Variants in SPTBN1 observed in about 807,000 individuals in gnomAD.
SPTBN1 encodes the protein spectrin beta chain, non-erythrocytic 1.
A neutral mutation model predicts 266.4 loss-of-function variants in SPTBN1; 32 were observed. The observed-to-expected ratio is 0.12, with a 90% confidence interval of 0.09 to 0.16. SPTBN1 has a LOEUF of 0.16. Among genes scored for constraint, SPTBN1 ranks in the 10% least tolerant of loss-of-function variants. The probability of loss-of-function intolerance (pLI) is 1.00; values close to 1 mark genes in which losing one functional copy is unlikely to be tolerated. For synonymous variants in SPTBN1, 1,336 were observed against 1,162.2 expected, an observed-to-expected ratio of 1.15 and a Z score of -3.04; for missense variants, 2,296 against 3,067.1, an observed-to-expected ratio of 0.75 and a Z score of 5.94.
chr2:54,522,711 G>GAAAGGAAA (rs1401503525), intron 1 of SPTBN1, among the ~76,000 whole-genome samples: 2 of 93,072 alleles, frequency 2.1e-5, no homozygotes, highest in African/African-American at 4.4e-5. Context: ...AAGAAAGAAA[G>GAAAGGAAA]GAAAGAAAGA....
intron 2 of SPTBN1, among the ~76,000 whole-genome samples, chr2:54,571,552 CACACACACACACACACACACACAT>C (rs1188910094): frequency 5.5e-5 from 3 of 54,980 alleles, no homozygotes; most frequent in South Asian, 5.4e-4. Context: ...TATGTACACA[CACACACACACACACACACACACAT>C]ACACACACAC....
chr2:54,570,877 G>C (rs1172176451), intron 2 of SPTBN1, among the ~76,000 whole-genome samples: 1 of 152,122 alleles, frequency 6.6e-6, no homozygotes, highest in African/African-American at 2.4e-5. Flanking sequence ...TTAAATCCCA[G>C]TGAGTTCCTA....
chr2:54,603,328 G>T (rs1558418020), intron 3 of SPTBN1, among the ~76,000 whole-genome samples: 1 of 151,896 alleles, frequency 6.6e-6, no homozygotes, highest in Non-Finnish European at 1.5e-5. Flanking sequence ...AACTGGAGGG[G>T]TTTTTTTTGA....
chr2:54,508,975 G>C (rs1305129648), intron 1 of SPTBN1, among the ~76,000 whole-genome samples: 1 of 152,228 alleles, frequency 6.6e-6, no homozygotes, highest in Non-Finnish European at 1.5e-5. Flanking sequence ...GGCATATTTA[G>C]AGTCAGTATA....
chr2:54,668,708 A>G lies in SPTBN1; in HGVS notation c.*139A>G. 1.9e-6 allele frequency: 1 copy of G among 537,666 alleles called. No homozygotes were observed. The highest frequency in any genetic ancestry group is 2.9e-6 in the Non-Finnish European group (1 of 345,318). 33.3% of individuals were successfully genotyped at this position (537,666 alleles called of 1,614,324 possible). A position where few individuals can be genotyped will look rare whatever the true frequency, so the allele number is the denominator to read the frequency against. On this transcript the variant is annotated 3_prime_UTR_variant, in exon 36 of 36. Transcript: ENST00000356805. ...TTTTTTTTTTTTTAATTTATAGAGCATTTCGGGGGGGGTGGGGGAAACACA... is the reference window on the plus strand; with the variant it reads ...TTTTTTTTTTTTTAATTTATAGAGCGTTTCGGGGGGGGTGGGGGAAACACA...
chr2:54,554,614 G>A lies in SPTBN1; in HGVS notation c.148+28048G>A, dbSNP rs555145006. On this transcript the variant is annotated intron_variant, in intron 2 of 35. Coordinates refer to ENST00000356805, the MANE Select transcript of SPTBN1 (RefSeq NM_003128.3). This position sits in a 1 kb window ranked among gnomAD's most constrained non-coding sequence, Gnocchi z 4.5. ...ATTCCAAACTGTTTGGTTTATAGAC[G>A]AAGATTGAGAGGCCCAGAGAACATC... 1.1e-4 allele frequency among the ~76,000 whole-genome samples: 17 copies of A among 152,204 alleles called. No individual in the cohort carries two copies. The highest frequency in any genetic ancestry group is 2.1e-4 in the South Asian group (1 of 4,814).
At chr2:54,647,035 C>G (rs1045842965) in intron 23 of SPTBN1, 96 bp from the exon 24 acceptor site, 31 of 1,576,154 alleles carry the variant, frequency 2.0e-5, no homozygotes, top group Middle Eastern at 1.7e-4. Flanking sequence ...TTCTACTGAT[C>G]CTTCCTCCTA....
intron 2 of SPTBN1, among the ~76,000 whole-genome samples, chr2:54,575,901 C>T (rs1674427636): frequency 6.6e-6 from 1 of 152,134 alleles, no homozygotes; most frequent in Admixed American, 6.5e-5. Flanking sequence ...TCTCCTGAGA[C>T]AGGAATTAAC....
intron 2 of SPTBN1, among the ~76,000 whole-genome samples, chr2:54,561,610 G>T (rs1401293549): frequency 6.7e-6 from 1 of 150,074 alleles, no homozygotes; most frequent in Non-Finnish European, 1.5e-5. Flanking sequence ...TCTGGCTAAG[G>T]AGAATATAAT....
At chr2:54,562,533 C>CTTTTTTTCTTTCTTT (rs746897447) in intron 2 of SPTBN1, among the ~76,000 whole-genome samples, 1 of 126,828 alleles carries the variant, frequency 7.9e-6, no homozygotes, top group Non-Finnish European at 1.6e-5. Flanking sequence ...TTTTCTTTTT[C>CTTTTTTTCTTTCTTT]TTTTTTTTTT....
chr2:54,577,564 T>G (rs1340541089), intron 2 of SPTBN1, among the ~76,000 whole-genome samples: 4 of 152,214 alleles, frequency 2.6e-5, no homozygotes, highest in Non-Finnish European at 5.9e-5. Context: ...CCACCAAAAC[T>G]TCTTGATACT....
Position 54,558,035 on chromosome 2 carries a change from C to G in SPTBN1, c.148+31469C>G. ...CGGGACCCTTGGGGCTCTTCACTCT[C>G]CAGGCCGTCCCGTGGGCGCGCTAGC... On this transcript the variant is annotated intron_variant, in intron 2 of 35. Transcript: ENST00000356805. This position sits in a 1 kb window ranked among gnomAD's most constrained non-coding sequence, Gnocchi z 4.6. 1 of 985,450 alleles carries G rather than the reference C, an allele frequency of 1.0e-6. No individual in the cohort carries two copies. The highest frequency in any genetic ancestry group is 1.2e-6 in the Non-Finnish European group (1 of 829,932). 61.0% of individuals were successfully genotyped at this position (985,450 alleles called of 1,614,324 possible).
chr2:54,494,239 T>G (rs1472521565), intron 1 of SPTBN1, among the ~76,000 whole-genome samples: 3 of 152,222 alleles, frequency 2.0e-5, no homozygotes, highest in Admixed American at 2.0e-4. Context: ...TCATCATCCC[T>G]TTTAAAAAGG....
intron 2 of SPTBN1, among the ~76,000 whole-genome samples, chr2:54,596,783 G>C (rs1676122378): frequency 1.3e-5 from 2 of 152,274 alleles, no homozygotes; most frequent in South Asian, 4.1e-4. Context: ...ATCTCAGTCT[G>C]TTTCAGCTCT....
At chr2:54,644,954 AGT>A (rs1213644991) in intron 20 of SPTBN1, among the ~76,000 whole-genome samples, 1 of 152,254 alleles carries the variant, frequency 6.6e-6, no homozygotes, top group Non-Finnish European at 1.5e-5. Context: ...GATTTGTGAC[AGT>A]TATCTGAGTT....
At chr2:54,476,814 A>C (rs1250627111) in intron 1 of SPTBN1, among the ~76,000 whole-genome samples, 1 of 152,200 alleles carries the variant, frequency 6.6e-6, no homozygotes, top group Admixed American at 6.5e-5. Flanking sequence ...TCTATTGCAA[A>C]TCAAATTGCA....
At position 54,646,303 on chromosome 2, in the gene SPTBN1, A is replaced by G. The variant is rs1374175939; in HGVS notation, c.4694A>G (p.Gln1565Arg). The change falls in exon 23 of 36, where the codon CAG becomes CGG. Residue 1565 changes from glutamine (Q) to arginine (R), a missense_variant. Transcript: ENST00000356805. The surrounding 1 kb of genome is among the most constrained non-coding windows in gnomAD (Gnocchi z 4.4). ...AGCCTCAGCGCTGAGGCCATCAGAC[A>G]GAGGCTTGCCGACCTGAAGCAGCTG... ...SSSLSAEAIR[Q>R]RLADLKQLWG... 6.2e-7 allele frequency: 1 copy of G among 1,614,242 alleles called. No individual in the cohort carries two copies.
At chr2:54,504,226 A>G (rs1669433791) in intron 1 of SPTBN1, among the ~76,000 whole-genome samples, 1 of 152,218 alleles carries the variant, frequency 6.6e-6, no homozygotes. Context: ...TGTGTAAACA[A>G]AGGTCCTGCA....
chr2:54,653,209 T>G lies in SPTBN1; in HGVS notation c.5578-400T>G, dbSNP rs1330149977. ...GAGAAGTCATTTTCAAAATGTGCTC[T>G]TCATGGCAGTTTCCCATTCATCATA... On this transcript the variant is annotated intron_variant, in intron 26 of 35. Coordinates refer to ENST00000356805, the MANE Select transcript of SPTBN1 (RefSeq NM_003128.3). The surrounding 1 kb of genome is among the most constrained non-coding windows in gnomAD (Gnocchi z 5.1). The G allele has an allele frequency of 5.9e-6, 1 of 169,176 alleles. No homozygotes were observed. Among genetic ancestry groups the G allele is most frequent in the East Asian group, 1.8e-4 (1 of 5,458 alleles). 10.5% of individuals were successfully genotyped at this position (169,176 alleles called of 1,614,324 possible).
Sources: allele counts gnomAD v4.1 joint callset (sites outside exome capture counted in the v4.1 genomes callset), GRCh38; gene constraint gnomAD v4.1.1; non-coding constraint Gnocchi (gnomAD v3.1); transcripts MANE v1.5; gene names NCBI Gene and HGNC (gene_info 2026-07-23, HGNC 2026-07-21).